Variants in MATR3 observed in about 807,000 individuals in gnomAD.
MATR3 encodes the protein matrin-3.
Under a neutral mutation model 85.5 loss-of-function variants are expected in MATR3, and 4 were observed. The observed-to-expected ratio is 0.05, with a 90% CI of 0.02 to 0.11. The LOEUF (loss-of-function observed/expected upper bound fraction) is 0.11. Among genes scored for constraint, MATR3 ranks in the 10% least tolerant of loss-of-function variants. MATR3 has a pLI of 1.00. For synonymous variants in MATR3, 336 were observed against 343.1 expected (o/e 0.98, Z 0.23); for missense variants, 685 against 1,016.1 (o/e 0.67, Z 4.43).
chr5:139,320,743 CTTTT>C (rs1175972721), intron 9 of MATR3, among the ~76,000 whole-genome samples: 4 of 102,408 alleles, frequency 3.9e-5, no homozygotes, highest in Admixed American at 2.2e-4. Flanking sequence ...AAGCTTATTA[CTTTT>C]TTTTTTTTTT....
chr5:139,289,920 A>G (rs567501461), upstream of MATR3, among the ~76,000 whole-genome samples: 1 of 152,174 alleles, frequency 6.6e-6, no homozygotes, highest in Non-Finnish European at 1.5e-5. Context: ...ATGTTGCTAA[A>G]TCTTGTAGAT....
chr5:139,300,646 T>C (rs1301552321), intron 1 of MATR3, among the ~76,000 whole-genome samples: 1 of 152,142 alleles, frequency 6.6e-6, no homozygotes, highest in Non-Finnish European at 1.5e-5. Context: ...ATTTTAAATG[T>C]TTTATTTAGA....
rs1753370575 is a variant in MATR3 at position 139,278,241 on chromosome 5, A to G, written c.-256-810A>G. On this transcript the variant is annotated intron_variant, in intron 2 of 16. Coordinates refer to ENST00000509990, the Ensembl canonical transcript of MATR3. ...AGACCCTATCTCAAAAAATATATAT[A>G]TATATATACACACACACACACAATG... is the stretch of plus-strand genomic sequence containing the variant. 1.4e-5 allele frequency: 6 copies of G among 423,626 alleles called. 1 individual carries two copies. The Admixed American group carries it at 1.5e-4, about 10-fold the overall frequency. The allele number at this position is 423,626 out of a possible 1,614,324, so 26.2% of individuals were successfully genotyped here.
At chr5:139,318,774 G>A (rs1218947668) in intron 7 of MATR3, 134 bp from the exon 8 acceptor site, 4 of 849,460 alleles carry the variant, frequency 4.7e-6, no homozygotes, top group African/African-American at 3.4e-5. Context: ...ATTCTTGAAA[G>A]TATTTTCTAC....
intron 2 of MATR3, chr5:139,276,466 C>A (rs569239988): frequency 1.8e-5 from 6 of 335,958 alleles, no homozygotes; most frequent in South Asian, 1.2e-4. Context: ...AAAAATAACT[C>A]CTCATAATGT....
intron 3 of MATR3, 153 bp downstream of exon 3, chr5:139,314,889 T>C (rs542278610): frequency 4.3e-5 from 29 of 681,322 alleles, no homozygotes; most frequent in Non-Finnish European, 6.7e-5. Flanking sequence ...GTAAAATGTT[T>C]AGATCTGGAA....
At chr5:139,308,756 A>G (rs1419436704) in intron 2 of MATR3, among the ~76,000 whole-genome samples, 3 of 152,166 alleles carry the variant, frequency 2.0e-5, no homozygotes, top group African/African-American at 7.2e-5. Flanking sequence ...TTCTTGAACA[A>G]TTCTCTTTTT....
At chr5:139,278,560 G>A (rs1238917442) in intron 2 of MATR3, 4 of 359,620 alleles carry the variant, frequency 1.1e-5, no homozygotes, top group African/African-American at 2.1e-5. Flanking sequence ...TTTATTCACT[G>A]CTAGATCCCA....
At position 139,330,683 on chromosome 5, in the gene MATR3, T is replaced by G. The variant is rs10515507; in HGVS notation, c.*1288T>G. ...ACAAACAGAAGCTTATGTTTAGAGA[T>G]ATTGATGACTTAACAGTACAATTGG... On this transcript the variant is annotated 3_prime_UTR_variant, in exon 15 of 15. Transcript: ENST00000394805. The G allele has an allele frequency of 0.61, 275,445 of 453,886 alleles. 91,021 individuals are homozygous for G. Among genetic ancestry groups the G allele is most frequent in the Non-Finnish European group, 0.7 (159,030 of 226,718 alleles). The allele number at this position is 453,886 out of a possible 1,614,324, so 28.1% of individuals were successfully genotyped here.
intron 1 of MATR3, chr5:139,276,081 T>TTCTCCC (rs1453526631): frequency 1.3e-5 from 6 of 456,782 alleles, no homozygotes; most frequent in South Asian, 9.3e-5. Context: ...TGCACACGTG[T>TTCTCCC]TCACTGTTGG....
At chr5:139,298,113 T>A (rs1245599385) in intron 1 of MATR3, among the ~76,000 whole-genome samples, 1 of 152,230 alleles carries the variant, frequency 6.6e-6, no homozygotes, top group Non-Finnish European at 1.5e-5. Context: ...AACTTTCAGA[T>A]CTTTTAGGAT....
At chr5:139,309,028 C>T (rs752398733) in intron 2 of MATR3, among the ~76,000 whole-genome samples, 6 of 152,148 alleles carry the variant, frequency 3.9e-5, no homozygotes, top group Non-Finnish European at 7.4e-5. Flanking sequence ...CAGTATCCTG[C>T]TCTGTGTTCC....
intron 7 of MATR3, among the ~76,000 whole-genome samples, 155 bp downstream of exon 7, chr5:139,317,876 A>C (rs537975337): frequency 6.6e-6 from 1 of 152,362 alleles, no homozygotes; most frequent in South Asian, 2.1e-4. Flanking sequence ...GTAGTTGATG[A>C]ATATAATAGG....
Position 139,329,404 on chromosome 5 carries a change from A to G in MATR3, c.*9A>G, listed in dbSNP as rs1388069225. The G allele has an allele frequency of 2.5e-6, 4 of 1,607,126 alleles. No homozygotes were observed. The highest frequency in any genetic ancestry group is 3.4e-6 in the Non-Finnish European group (4 of 1,174,592). ...AGAAGAAGGAAACTTAAGATGTGCA[A>G]GGAGATTTAATGATTTCAAAGAAAA... On this transcript the variant is annotated 3_prime_UTR_variant, in exon 15 of 15. Coordinates refer to ENST00000394805, the MANE Select transcript of MATR3 (RefSeq NM_018834.6).
chr5:139,330,662 A>T lies in MATR3; in HGVS notation c.*1267A>T, dbSNP rs1198255171. On this transcript the variant is annotated 3_prime_UTR_variant, in exon 15 of 15. Transcript: ENST00000394805. ...AATTAAAAATGCTACAGGTGAACAA[A>T]CAGAAGCTTATGTTTAGAGATATTG... 1 of 454,162 alleles carries T rather than the reference A, an allele frequency of 2.2e-6. No individual in the cohort carries two copies. The highest frequency in any genetic ancestry group is 4.4e-6 in the Non-Finnish European group (1 of 226,788). 28.1% of individuals were successfully genotyped at this position (454,162 alleles called of 1,614,324 possible).
At chr5:139,323,030 T>C (rs1338548304) in intron 12 of MATR3, 63 bp downstream of exon 12, 2 of 1,525,294 alleles carry the variant, frequency 1.3e-6, no homozygotes, top group Non-Finnish European at 1.8e-6. Flanking sequence ...TTTCAAGTTA[T>C]TTACCTAAGC....
chr5:139,320,743 CTTT>C (rs1175972721), intron 9 of MATR3, among the ~76,000 whole-genome samples: 344 of 102,406 alleles, frequency 3.4e-3, no homozygotes, highest in African/African-American at 0.016. Context: ...AAGCTTATTA[CTTT>C]TTTTTTTTTT....
rs538155815 is a variant in MATR3, at chr5:139,331,606, C to G, written c.*2211C>G. 6.6e-6 allele frequency: 3 copies of G among 454,050 alleles called. No individual in the cohort carries two copies. Among genetic ancestry groups the G allele is most frequent in the Non-Finnish European group, 8.8e-6 (2 of 226,776 alleles). 28.1% of individuals were successfully genotyped at this position (454,050 alleles called of 1,614,324 possible). ...GTAAAGTTTAAGAACATTTTTCCTA[C>G]GGCTATGTCAGCCCTTAGTTTAATC... On this transcript the variant is annotated 3_prime_UTR_variant, in exon 15 of 15. Coordinates refer to ENST00000394805, the MANE Select transcript of MATR3 (RefSeq NM_018834.6).
chr5:139,276,703 T>C (rs1753288923), intron 2 of MATR3, among the ~76,000 whole-genome samples: 1 of 152,122 alleles, frequency 6.6e-6, no homozygotes, highest in Non-Finnish European at 1.5e-5. Flanking sequence ...GTCACACCTT[T>C]ATTTTTAGTG....
Sources: allele counts gnomAD v4.1 joint callset (sites outside exome capture counted in the v4.1 genomes callset), GRCh38; gene constraint gnomAD v4.1.1; transcripts MANE v1.5; gene names NCBI Gene and HGNC (gene_info 2026-07-23, HGNC 2026-07-21).